SPIRE1: variants seen among roughly 807,000 people sequenced by gnomAD.
The protein encoded by SPIRE1 is spire type actin nucleation factor 1.
A neutral mutation model predicts 94.1 loss-of-function variants in SPIRE1; 40 were observed. The observed-to-expected ratio is 0.43, with a 90% CI of 0.33 to 0.55. The LOEUF (loss-of-function observed/expected upper bound fraction) is 0.55. Among genes scored for constraint, SPIRE1 ranks in the 20% least tolerant of loss-of-function variants. SPIRE1 has a pLI of 0.06. For missense variants in SPIRE1, 838 were observed against 975.2 expected (o/e 0.86, Z 1.87); for synonymous variants, 376 against 371.7 (o/e 1.01, Z -0.13).
chr18:12,535,844 A>T (rs762683693), intron 3 of SPIRE1, among the ~76,000 whole-genome samples: 1 of 152,134 alleles, frequency 6.6e-6, no homozygotes, highest in Non-Finnish European at 1.5e-5. Flanking sequence ...AATCCCAGCT[A>T]CTCAGGAAGC....
intron 2 of SPIRE1, among the ~76,000 whole-genome samples, chr18:12,615,849 T>A (rs1598535451): frequency 6.6e-6 from 1 of 152,220 alleles, no homozygotes; most frequent in African/African-American, 2.4e-5. Flanking sequence ...TCCTTTCATT[T>A]CCTGCCTTTA....
At chr18:12,650,846 C>T (rs999029570) in intron 1 of SPIRE1, among the ~76,000 whole-genome samples, 2 of 144,348 alleles carry the variant, frequency 1.4e-5, no homozygotes, top group African/African-American at 5.2e-5. Flanking sequence ...CACTGCACTA[C>T]AGCCTGGGTG....
chr18:12,629,549 C>T (rs2037720506), intron 2 of SPIRE1, among the ~76,000 whole-genome samples: 1 of 151,980 alleles, frequency 6.6e-6, no homozygotes, highest in Non-Finnish European at 1.5e-5. Context: ...ATGGGTCACA[C>T]GCTGTTTAAA....
intron 10 of SPIRE1, 132 bp downstream of exon 10, chr18:12,479,567 T>A: frequency 1.2e-6 from 1 of 823,618 alleles, no homozygotes; most frequent in East Asian, 2.7e-5. Flanking sequence ...AAATTAATTT[T>A]AATCCTAGCT....
At position 12,499,464 on chromosome 18, in the gene SPIRE1, C is replaced by A. The variant is rs182975644; in HGVS notation, c.973-3362G>T. On this transcript the variant is annotated intron_variant, in intron 6 of 16. Coordinates refer to ENST00000409402, the MANE Select transcript of SPIRE1 (RefSeq NM_001128626.2). ...AAGATTATTTTGATTATTTGGGATT[C>A]CTTGAGATTCCGTAAGAATTTCAGA... Among the ~76,000 whole-genome samples, 4 of 151,652 alleles carry A rather than the reference C, an allele frequency of 2.6e-5. No homozygotes were observed. The East Asian group carries it at 7.7e-4, about 29-fold the overall frequency.
rs112946123 is a variant in SPIRE1 at position 12,557,179 on chromosome 18, G to A, written c.373-10275C>T. Among the ~76,000 whole-genome samples the A allele has an allele frequency of 7.6e-3, 1,157 of 152,300 alleles. 19 individuals are homozygous for A. The highest frequency in any genetic ancestry group is 0.026 in the African/African-American group (1,078 of 41,582). On this transcript the variant is annotated intron_variant, in intron 2 of 16. Transcript: ENST00000409402. Reference sequence around the variant, plus strand: ...CAGCCCTTGGGCAGTCAATGGGACCGGTCGCCGCGGAGCAGGGGGTGGCGC... The same window carrying A: ...CAGCCCTTGGGCAGTCAATGGGACCAGTCGCCGCGGAGCAGGGGGTGGCGC...
At chr18:12,593,511 T>C (rs2036588462) in intron 2 of SPIRE1, among the ~76,000 whole-genome samples, 1 of 152,232 alleles carries the variant, frequency 6.6e-6, no homozygotes, top group Non-Finnish European at 1.5e-5. Flanking sequence ...GACCAGGAAA[T>C]GTTTCATGCA....
intron 6 of SPIRE1, among the ~76,000 whole-genome samples, chr18:12,504,856 C>A (rs1335937958): frequency 6.6e-6 from 1 of 152,078 alleles, no homozygotes; most frequent in African/African-American, 2.4e-5. Flanking sequence ...AATTATGTGG[C>A]TATGAGGGAG....
At chr18:12,557,668 G>A (rs916907340) in intron 2 of SPIRE1, among the ~76,000 whole-genome samples, 3 of 151,984 alleles carry the variant, frequency 2.0e-5, no homozygotes, top group South Asian at 2.1e-4. Flanking sequence ...CACCAAGAGC[G>A]AGCAAGGGCT....
intron 2 of SPIRE1, among the ~76,000 whole-genome samples, chr18:12,631,663 C>G (rs1000076736): frequency 2.0e-5 from 3 of 151,566 alleles, no homozygotes; most frequent in Admixed American, 6.6e-5. Flanking sequence ...ATCACGAGGT[C>G]AGGAGTTCAC....
At chr18:12,500,047 G>T (rs1198432167) in intron 6 of SPIRE1, among the ~76,000 whole-genome samples, 1 of 152,136 alleles carries the variant, frequency 6.6e-6, no homozygotes, top group Non-Finnish European at 1.5e-5. Context: ...AATACTGCAT[G>T]TTCTCACTTA....
At chr18:12,611,249 C>G (rs1242280601) in intron 2 of SPIRE1, among the ~76,000 whole-genome samples, 1 of 152,156 alleles carries the variant, frequency 6.6e-6, no homozygotes, top group Non-Finnish European at 1.5e-5. Context: ...TCTTGGTATT[C>G]AGGTTCTTAT....
chr18:12,622,613 A>G (rs9960610), intron 2 of SPIRE1, among the ~76,000 whole-genome samples: 130,054 of 149,140 alleles, frequency 0.87, 57,325 homozygotes, highest in Non-Finnish European at 0.94. Flanking sequence ...TAGTAGAGAC[A>G]GGGTTTCACT....
At chr18:12,596,850 G>A (rs535099726) in intron 2 of SPIRE1, among the ~76,000 whole-genome samples, 1 of 146,814 alleles carries the variant, frequency 6.8e-6, no homozygotes, top group African/African-American at 2.5e-5. Flanking sequence ...ACTGTAGATA[G>A]GAGAACTTAA....
chr18:12,469,958 T>G (rs2032285450), intron 10 of SPIRE1, among the ~76,000 whole-genome samples: 1 of 152,000 alleles, frequency 6.6e-6, no homozygotes, highest in Non-Finnish European at 1.5e-5. Context: ...ACTAGTTAAT[T>G]AGAGACAAGT....
intron 4 of SPIRE1, among the ~76,000 whole-genome samples, chr18:12,513,952 TC>T (rs765309605): frequency 6.6e-6 from 1 of 152,166 alleles, no homozygotes; most frequent in Non-Finnish European, 1.5e-5. Context: ...CCAGTAATTC[TC>T]CCAGCTTAGC....
At position 12,559,584 on chromosome 18, in the gene SPIRE1, G is replaced by A. The variant is rs1296295838; in HGVS notation, c.373-12680C>T. 3.9e-5 allele frequency among the ~76,000 whole-genome samples: 6 copies of A among 152,188 alleles called. No homozygotes were observed. The highest frequency in any genetic ancestry group is 6.5e-5 in the Admixed American group (1 of 15,278). ...CTCCTCAAGCATGGCCAGAGTGGAC[G>A]CCGTGGCCTGAGGAGGTGCCAAGAG... On this transcript the variant is annotated intron_variant, in intron 2 of 16. Coordinates refer to ENST00000409402, the MANE Select transcript of SPIRE1 (RefSeq NM_001128626.2). The surrounding 1 kb of genome is among the most constrained non-coding windows in gnomAD (Gnocchi z 4.7).
In SPIRE1 at chr18:12,632,418, G is replaced by A. The variant is rs1245384958; in HGVS notation, c.372+2644C>T. 5.9e-5 allele frequency among the ~76,000 whole-genome samples: 9 copies of A among 152,236 alleles called. No individual in the cohort carries two copies. In the East Asian group the frequency reaches 1.7e-3, roughly 29 times the overall value. On this transcript the variant is annotated intron_variant, in intron 2 of 16. Coordinates refer to ENST00000409402, the MANE Select transcript of SPIRE1 (RefSeq NM_001128626.2). ...ACGCAACAGAAAACTTCCTCCTTAT[G>A]CTGTTTTTTAATTCCTTCTGTCATT...
chr18:12,550,809 C>A (rs2035327851), intron 2 of SPIRE1, among the ~76,000 whole-genome samples: 1 of 152,194 alleles, frequency 6.6e-6, no homozygotes, highest in African/African-American at 2.4e-5. Flanking sequence ...TAAATGACTG[C>A]TTAATAGCAT....
Sources: gnomAD v4.1 joint callset for allele counts (sites outside exome capture counted in the v4.1 genomes callset) on GRCh38, gnomAD v4.1.1 for gene constraint, Gnocchi (gnomAD v3.1) non-coding constraint, MANE v1.5 for transcripts, NCBI Gene and HGNC (gene_info 2026-07-23, HGNC 2026-07-21) for gene names.